Variants in COL20A1 observed in about 807,000 individuals in gnomAD.
COL20A1 encodes collagen type XX alpha 1 chain.
COL20A1 carries 164 observed loss-of-function variants against 152.9 expected under a neutral mutation model. That is an observed-to-expected ratio of 1.07 (90% confidence interval 0.94 to 1.22). The LOEUF (loss-of-function observed/expected upper bound fraction) is 1.22, where lower values mean the gene tolerates loss of function less well. Among genes scored for constraint, COL20A1 ranks in the 50% most tolerant of loss-of-function variants. COL20A1 has a pLI of 0.00. For missense variants in COL20A1, 1,873 were observed against 1,744.8 expected, an observed-to-expected ratio of 1.07 and a Z score of -1.31; for synonymous variants, 864 against 756.0, an observed-to-expected ratio of 1.14 and a Z score of -2.34.
chr20:63,312,329 C>T lies in COL20A1; in HGVS notation c.1804-91C>T. 5 of 1,379,324 alleles carry T rather than the reference C, an allele frequency of 3.6e-6. No homozygotes were observed. In the South Asian group the frequency reaches 7.7e-5, roughly 21 times the overall value. 85.4% of individuals were successfully genotyped at this position (1,379,324 alleles called of 1,614,324 possible). ...CGTTTCTGGGGGGTCGTGGGGTAGT[C>T]CTGGCTGCAGGTGCTGGGCCTGATT... On this transcript the variant is annotated intron_variant, in intron 14 of 35. Transcript: ENST00000358894.
chr20:63,329,808 TG>T, intron 35 of COL20A1, 147 bp downstream of exon 35: 1 of 619,168 alleles, frequency 1.6e-6, no homozygotes, highest in Non-Finnish European at 2.8e-6. Context: ...GAGGTGGCCC[TG>T]GGGAAAGTAG....
At position 63,314,125 on chromosome 20, in the gene COL20A1, C is replaced by T. The variant is rs1206005133; in HGVS notation, c.2412C>T (p.Ala804=). ...TGACACTGCCCGACCTGCAGGCAGC[C>T]ACGAAGTACAGGGTCCTGGTCTCAG... ...SHVTLPDLQA[A]TKYRVLVSAI... The change falls in exon 19 of 36, where the codon GCC becomes GCT. Residue 804 remains alanine, a synonymous_variant. Transcript: ENST00000358894. The T allele has an allele frequency of 1.2e-6, 2 of 1,611,878 alleles. No homozygotes were observed. Among genetic ancestry groups the T allele is most frequent in the Non-Finnish European group, 1.7e-6 (2 of 1,179,404 alleles).
intron 2 of COL20A1, among the ~76,000 whole-genome samples, chr20:63,297,454 T>C (rs2067812010): frequency 6.6e-6 from 1 of 151,078 alleles, no homozygotes. Context: ...GCCCGGGGAC[T>C]CAGCCCAGGG....
Position 63,319,652 on chromosome 20 carries a change from GC to G in COL20A1, c.2916+60del. On this transcript the variant is annotated intron_variant, in intron 23 of 35. Transcript: ENST00000358894. The surrounding 1 kb of genome is among the most constrained non-coding windows in gnomAD (Gnocchi z 4.4). ...GTTCCCCCAGCTCTGGGGCAGCCCA[GC>G]CCCACAGGGACCTGCCGGATGCCAA... The G allele has an allele frequency of 7.8e-7, 1 of 1,280,568 alleles. No homozygotes were observed. The highest frequency in any genetic ancestry group is 1.1e-6 in the Non-Finnish European group (1 of 907,356). The allele number at this position is 1,280,568 out of a possible 1,614,324, so 79.3% of individuals were successfully genotyped here. A position where few individuals can be genotyped will look rare whatever the true frequency, so the allele number is the denominator to read the frequency against.
rs184582863 is a variant in COL20A1, at chr20:63,311,931, C to T, written c.1679C>T (p.Pro560Leu). The T allele has an allele frequency of 7.0e-4, 1,089 of 1,565,622 alleles. 10 individuals are homozygous for T. In the African/African-American group the frequency reaches 0.012, roughly 18 times the overall value. Residue 560 changes from proline (P) to leucine (L), a missense_variant, in exon 14 of 36, where the codon CCG becomes CTG. Physicochemically the swap from Pro to Leu is moderately conservative, Grantham distance 98. Coordinates refer to ENST00000358894, the MANE Select transcript of COL20A1 (RefSeq NM_020882.4). The surrounding 1 kb of genome is among the most constrained non-coding windows in gnomAD (Gnocchi z 4.4). Reference sequence around the variant, plus strand: ...TGCTTTGCAGCCACCCTGGCCCCCCCGAGACACCTGGGCTTCTCAGACGTG... The same window carrying T: ...TGCTTTGCAGCCACCCTGGCCCCCCTGAGACACCTGGGCTTCTCAGACGTG... The part of the protein sequence containing the change: ...IRARTPTLAP[P>L]RHLGFSDVSH...
Position 63,328,317 on chromosome 20 carries a change from C to A in COL20A1, c.3614-14C>A. The A allele has an allele frequency of 6.2e-7, 1 of 1,604,142 alleles. No homozygotes were observed. Among genetic ancestry groups the A allele is most frequent in the East Asian group, 2.2e-5 (1 of 44,536 alleles). Reference sequence around the variant, plus strand: ...GTCCCCACTGTGTCCTGCTGACACCCCTCCTCCCCACAGCACACGTGTCAA... The same window carrying A: ...GTCCCCACTGTGTCCTGCTGACACCACTCCTCCCCACAGCACACGTGTCAA... On this transcript the variant is annotated splice_polypyrimidine_tract_variant and intron_variant, in intron 33 of 35. Coordinates refer to ENST00000358894, the MANE Select transcript of COL20A1 (RefSeq NM_020882.4).
Position 63,312,388 on chromosome 20 carries a change from G to T in COL20A1, c.1804-32G>T, listed in dbSNP as rs377641866. ...CAGCAAGGGCTCCAGGCACCAGCTG[G>T]GCCTGCCATGTCGCCCTCCCACCTG... is the stretch of plus-strand genomic sequence containing the variant. On this transcript the variant is annotated intron_variant, in intron 14 of 35. Coordinates refer to ENST00000358894, the MANE Select transcript of COL20A1 (RefSeq NM_020882.4). 5.4e-4 allele frequency: 828 copies of T among 1,524,496 alleles called. 6 individuals are homozygous for T. The African/African-American group carries it at 0.01, about 19-fold the overall frequency. The allele number at this position is 1,524,496 out of a possible 1,614,324, so 94.4% of individuals were successfully genotyped here. A position where few individuals can be genotyped will look rare whatever the true frequency, so the allele number is the denominator to read the frequency against.
At chr20:63,318,421 C>T (rs1016342437) in intron 21 of COL20A1, among the ~76,000 whole-genome samples, 7 of 152,098 alleles carry the variant, frequency 4.6e-5, no homozygotes, top group African/African-American at 1.7e-4. Flanking sequence ...CCCTGGACCC[C>T]GATTCTATCA....
intron 8 of COL20A1, 97 bp downstream of exon 8, chr20:63,308,803 C>A: frequency 8.8e-7 from 1 of 1,139,874 alleles, no homozygotes; most frequent in African/African-American, 1.6e-5. Context: ...GTCCCTGAGC[C>A]CCAGCTTCCA....
At chr20:63,308,261 G>A (rs949623267) in intron 7 of COL20A1, among the ~76,000 whole-genome samples, 171 bp downstream of exon 7, 3 of 152,212 alleles carry the variant, frequency 2.0e-5, no homozygotes, top group Non-Finnish European at 2.9e-5. Flanking sequence ...TGATGAAAAC[G>A]AGGGCCTGTG....
In COL20A1 at chr20:63,297,958, TGAAGTG is replaced by T; in HGVS notation, c.134_139del (p.Lys45_Trp46del). On this transcript the variant is annotated inframe_deletion, in exon 3 of 36. Transcript: ENST00000358894. ...GTGCTGCCTGAGGACCGGCTGCAGA[TGAAGTG>T]GAGAGAGTCGGAGGGGAGCGGCCTC... 1.2e-6 allele frequency: 2 copies of T among 1,613,246 alleles called. No individual in the cohort carries two copies. The highest frequency in any genetic ancestry group is 2.2e-5 in the South Asian group (2 of 91,088).
In COL20A1 at chr20:63,320,314, C is replaced by T. The variant is rs369267534; in HGVS notation, c.3099C>T (p.Ile1033=). Residue 1033 remains isoleucine, a synonymous_variant, in exon 25 of 36, where the codon ATC becomes ATT. Coordinates refer to ENST00000358894, the MANE Select transcript of COL20A1 (RefSeq NM_020882.4). The stretch of plus-strand genomic sequence containing the variant: ...AGTTTCAGCTCCAGATGCTGCAGAT[C>T]GTGTGCAGTGACACCTGGGCCGATG... ...SAAFQLQMLQ[I]VCSDTWADED... 5.0e-5 allele frequency: 80 copies of T among 1,610,884 alleles called. No homozygotes were observed. In the African/African-American group the frequency reaches 8.7e-4, roughly 17 times the overall value.
Position 63,333,196 on chromosome 20 carries a change from C to G in COL20A1, c.*2480C>G, listed in dbSNP as rs945923010. 6.6e-6 allele frequency: 1 copy of G among 152,580 alleles called. No homozygotes were observed. The highest frequency in any genetic ancestry group is 6.5e-5 in the Admixed American group (1 of 15,286). 9.5% of individuals were successfully genotyped at this position (152,580 alleles called of 1,614,324 possible). A position where few individuals can be genotyped will look rare whatever the true frequency, so the allele number is the denominator to read the frequency against. On this transcript the variant is annotated 3_prime_UTR_variant, in exon 36 of 36. Coordinates refer to ENST00000358894, the MANE Select transcript of COL20A1 (RefSeq NM_020882.4). Reference sequence around the variant, plus strand: ...CAGAGGCAGCACAGCTTCAGCCCTACGCAGTGTGGGGGCTCCGGGAGGAAA... The same window carrying G: ...CAGAGGCAGCACAGCTTCAGCCCTAGGCAGTGTGGGGGCTCCGGGAGGAAA...
intron 3 of COL20A1, among the ~76,000 whole-genome samples, chr20:63,304,199 T>C (rs2067894349): frequency 9.3e-6 from 1 of 107,786 alleles, no homozygotes. Context: ...ATGTGTGGGT[T>C]CCTCCCTCCC....
At chr20:63,328,559 T>A in intron 34 of COL20A1, 61 bp downstream of exon 34, 2 of 1,469,092 alleles carry the variant, frequency 1.4e-6, no homozygotes, top group Non-Finnish European at 1.9e-6. Context: ...GGTTGTCCCC[T>A]GGTCCTGGGG....
rs147428734 is a variant in COL20A1 at position 63,316,915 on chromosome 20, C to T, written c.2663+224C>T. Among the ~76,000 whole-genome samples the T allele has an allele frequency of 6.6e-5, 10 of 152,330 alleles. No individual in the cohort carries two copies. The East Asian group carries it at 1.9e-3, about 29-fold the overall frequency. Reference sequence around the variant, plus strand: ...CTCCATGGGCAGAGTGAGGCCAGCCCCTTGGCATATTTTGGCAACCAAGTA... The same window carrying T: ...CTCCATGGGCAGAGTGAGGCCAGCCTCTTGGCATATTTTGGCAACCAAGTA... On this transcript the variant is annotated intron_variant, in intron 21 of 35. Coordinates refer to ENST00000358894, the MANE Select transcript of COL20A1 (RefSeq NM_020882.4).
In COL20A1 at chr20:63,312,880, C is replaced by T. The variant is rs903210077; in HGVS notation, c.2022C>T (p.Gly674=). 1.5e-5 allele frequency: 23 copies of T among 1,557,144 alleles called. No individual in the cohort carries two copies. The highest frequency in any genetic ancestry group is 3.3e-4 in the Middle Eastern group (2 of 6,004). ...QLAWVAAAPS[G]VLVYQITWTP... ...CGTGGGTGGCCGCAGCCCCGTCTGGCGTGCTTGTCTACCAGATCACGTGGA... is the reference window on the plus strand; with the variant it reads ...CGTGGGTGGCCGCAGCCCCGTCTGGTGTGCTTGTCTACCAGATCACGTGGA... Residue 674 remains glycine (G), a synonymous_variant, in exon 16 of 36, where the codon GGC becomes GGT. Transcript: ENST00000358894.
At position 63,331,094 on chromosome 20, in the gene COL20A1, A is replaced by C. The variant is rs1286742448; in HGVS notation, c.*378A>C. On this transcript the variant is annotated 3_prime_UTR_variant, in exon 36 of 36. Coordinates refer to ENST00000358894, the MANE Select transcript of COL20A1 (RefSeq NM_020882.4). Reference sequence around the variant, plus strand: ...GGCAGCAGTGCCCTGTGGCCGTCTCAGTAGCTCTAAAACAGGCTCAACAAC... The same window carrying C: ...GGCAGCAGTGCCCTGTGGCCGTCTCCGTAGCTCTAAAACAGGCTCAACAAC... The C allele has an allele frequency of 6.6e-6, 1 of 152,352 alleles. No individual in the cohort carries two copies. The allele number at this position is 152,352 out of a possible 1,614,324, so 9.4% of individuals were successfully genotyped here.
intron 2 of COL20A1, among the ~76,000 whole-genome samples, chr20:63,297,371 T>C (rs1218204332): frequency 3.0e-5 from 4 of 131,820 alleles, no homozygotes; most frequent in Non-Finnish European, 4.8e-5. Flanking sequence ...CTCAGGGGAC[T>C]CAGCTCAGGG....
Sources: allele counts gnomAD v4.1 joint callset (sites outside exome capture counted in the v4.1 genomes callset), GRCh38; gene constraint gnomAD v4.1.1; non-coding constraint Gnocchi (gnomAD v3.1); transcripts MANE v1.5; gene names NCBI Gene and HGNC (gene_info 2026-07-23, HGNC 2026-07-21).